Variants in ARHGEF19 observed in about 807,000 individuals in gnomAD.
ARHGEF19 encodes the protein Rho guanine nucleotide exchange factor 19.
ARHGEF19 carries 92 observed loss-of-function variants against 87.6 expected under a neutral mutation model. The observed-to-expected ratio is 1.05, with a 90% CI of 0.89 to 1.25. The LOEUF (loss-of-function observed/expected upper bound fraction) is 1.25, where lower values mean the gene tolerates loss of function less well. ARHGEF19 is among the 50% of genes most tolerant of loss of function. ARHGEF19 has a pLI of 0.00. For synonymous variants in ARHGEF19, 438 were observed against 446.2 expected (o/e 0.98, Z 0.23); for missense variants, 1,054 against 1,051.8 (o/e 1.00, Z -0.03).
At chr1:16,200,743 CAA>C (rs34127909) in intron 14 of ARHGEF19, among the ~76,000 whole-genome samples, 1 of 142,686 alleles carries the variant, frequency 7.0e-6, no homozygotes, top group African/African-American at 2.6e-5. Context: ...GACTCTGTCT[CAA>C]AAAAAAAAAG....
chr1:16,204,797 GTGGAGGTAGAC>G lies in ARHGEF19; in HGVS notation c.1858_1868del (p.Val620ProfsTer4). 6.2e-7 allele frequency: 1 copy of G among 1,613,260 alleles called. No individual in the cohort carries two copies. The highest frequency in any genetic ancestry group is 8.5e-7 in the Non-Finnish European group (1 of 1,179,458). ...AGAGCAGCAAGCAGTCATTGAAGAGGTGGAGGTAGACTGCCTTGCTGGACAGCTTCAGCTTG... is the reference window on the plus strand; with the variant it reads ...AGAGCAGCAAGCAGTCATTGAAGAGGTGCCTTGCTGGACAGCTTCAGCTTG... On this transcript the variant is annotated frameshift_variant, in exon 12 of 16. Coordinates refer to ENST00000270747, the MANE Select transcript of ARHGEF19 (RefSeq NM_153213.5). LOFTEE classifies it high-confidence loss of function.
In ARHGEF19 at chr1:16,207,871, T is replaced by A; in HGVS notation, c.694+73A>T. On this transcript the variant is annotated intron_variant, in intron 3 of 15. Transcript: ENST00000270747. The surrounding 1 kb of genome is among the most constrained non-coding windows in gnomAD (Gnocchi z 4.0). ...CACCCTGACGGCCTCAGGCGGCCGG[T>A]GAGTGGGCATCGCCCACCCCCACCC... 6.3e-7 allele frequency: 1 copy of A among 1,585,122 alleles called. No homozygotes were observed.
rs746727289 is a variant in ARHGEF19, at chr1:16,205,912, T to C, written c.1451+19A>G. ...GACTCCCTCCACGCCCCCGCCCCTTTCAGAGCCCCCAGCCCTACAGCAGGC... is the reference window on the plus strand; with the variant it reads ...GACTCCCTCCACGCCCCCGCCCCTTCCAGAGCCCCCAGCCCTACAGCAGGC... On this transcript the variant is annotated intron_variant, in intron 8 of 15. Coordinates refer to ENST00000270747, the MANE Select transcript of ARHGEF19 (RefSeq NM_153213.5). The surrounding 1 kb of genome is among the most constrained non-coding windows in gnomAD (Gnocchi z 5.8). 74 of 1,594,402 alleles carry C rather than the reference T, an allele frequency of 4.6e-5. No homozygotes were observed. The Middle Eastern group carries it at 5.4e-3, about 117-fold the overall frequency.
rs937107285 is a variant in ARHGEF19 at position 16,198,642 on chromosome 1, C to T, written c.2354G>A (p.Arg785Gln). The T allele has an allele frequency of 6.2e-6, 10 of 1,613,622 alleles. No individual in the cohort carries two copies. The highest frequency in any genetic ancestry group is 1.7e-5 in the Admixed American group (1 of 59,968). The change falls in exon 16 of 16, where the codon CGG (arginine) becomes CAG (glutamine). Residue 785 changes from arginine (R) to glutamine (Q), a missense_variant. Transcript: ENST00000270747. This position sits in a 1 kb window ranked among gnomAD's most constrained non-coding sequence, Gnocchi z 4.1. ...GGCACTTGTGACTCGCTTATTCTCC[C>T]GGAGGTTTCGGAGGCGGGCGCTGAG... ...SSLSARLRNL[R>Q]ENKRVTSATS...
In ARHGEF19 at chr1:16,198,880, TC is replaced by T; in HGVS notation, c.2252-137del. ...TGACATCATCTCAGCATCTCTCAGCTCCAGGAAGGACCCTGTCTTGAGCTGT... is the reference window on the plus strand; with the variant it reads ...TGACATCATCTCAGCATCTCTCAGCTCAGGAAGGACCCTGTCTTGAGCTGT... On this transcript the variant is annotated intron_variant, in intron 15 of 15. Transcript: ENST00000270747. The surrounding 1 kb of genome is among the most constrained non-coding windows in gnomAD (Gnocchi z 4.1). 8.5e-7 allele frequency: 1 copy of T among 1,172,828 alleles called. No homozygotes were observed. The highest frequency in any genetic ancestry group is 1.2e-6 in the Non-Finnish European group (1 of 845,800). The allele number at this position is 1,172,828 out of a possible 1,614,324, so 72.7% of individuals were successfully genotyped here.
At position 16,205,002 on chromosome 1, in the gene ARHGEF19, G is replaced by C; in HGVS notation, c.1747-83C>G. 6.4e-7 allele frequency: 1 copy of C among 1,561,950 alleles called. No individual in the cohort carries two copies. The highest frequency in any genetic ancestry group is 8.7e-7 in the Non-Finnish European group (1 of 1,152,212). ...TGGTAGATGGGAGGGTGTGGGCAGC[G>C]ATTAACTGGCCTGAAGCCCCCAGGG... On this transcript the variant is annotated intron_variant, in intron 11 of 15. Coordinates refer to ENST00000270747, the MANE Select transcript of ARHGEF19 (RefSeq NM_153213.5). The surrounding 1 kb of genome is among the most constrained non-coding windows in gnomAD (Gnocchi z 5.8).
chr1:16,206,641 A>C lies in ARHGEF19; in HGVS notation c.1138-301T>G, dbSNP rs2081138999. The C allele has an allele frequency of 7.9e-6, 2 of 253,698 alleles. No homozygotes were observed. Among genetic ancestry groups the C allele is most frequent in the African/African-American group, 9.0e-5 (2 of 22,342 alleles). The allele number at this position is 253,698 out of a possible 1,614,324, so 15.7% of individuals were successfully genotyped here. ...GGCCCCGCCTTGTTCCGCGCCCACC[A>C]GGCGTTTGCTCTTCCAATGGTTCCG... On this transcript the variant is annotated intron_variant, in intron 6 of 15. Transcript: ENST00000270747. This position sits in a 1 kb window ranked among gnomAD's most constrained non-coding sequence, Gnocchi z 4.6.
At chr1:16,199,649 G>A (rs2081069044) in intron 14 of ARHGEF19, among the ~76,000 whole-genome samples, 1 of 152,004 alleles carries the variant, frequency 6.6e-6, no homozygotes, top group African/African-American at 2.4e-5. Context: ...TCACTCTGGT[G>A]CTCCCTTTGG....
chr1:16,211,012 G>A (rs1318031064), intron 1 of ARHGEF19, among the ~76,000 whole-genome samples: 1 of 152,142 alleles, frequency 6.6e-6, no homozygotes, highest in African/African-American at 2.4e-5. Flanking sequence ...AAGGGGACTG[G>A]CTGCTCCAAA....
At chr1:16,199,108 C>A in intron 15 of ARHGEF19, 42 bp downstream of exon 15, 2 of 1,600,726 alleles carry the variant, frequency 1.2e-6, no homozygotes, top group Non-Finnish European at 1.7e-6. Flanking sequence ...CTCCTGCCCA[C>A]CCAAGCCCCA....
In ARHGEF19 at chr1:16,205,171, C is replaced by T. The variant is rs1318645043; in HGVS notation, c.1662G>A (p.Val554=). The T allele has an allele frequency of 6.3e-7, 1 of 1,597,752 alleles. No individual in the cohort carries two copies. Among genetic ancestry groups the T allele is most frequent in the East Asian group, 2.3e-5 (1 of 44,248 alleles). Residue 554 remains valine (V), a synonymous_variant, in exon 11 of 16, where the codon GTG becomes GTA. Transcript: ENST00000270747. The surrounding 1 kb of genome is among the most constrained non-coding windows in gnomAD (Gnocchi z 5.8). ...ACTGTACACTAGCATTGCACTCCTG[C>T]ACCAGCTGGGGGAGCCGTGGGGAGG... The part of the protein sequence containing the change: ...TKAFNALKEL[V]QECNASVQSM...
intron 14 of ARHGEF19, among the ~76,000 whole-genome samples, chr1:16,200,431 C>G (rs1004355362): frequency 6.6e-6 from 1 of 152,218 alleles, no homozygotes; most frequent in African/African-American, 2.4e-5. Context: ...AAGCTCAGCC[C>G]TAACTCCTCT....
Position 16,205,195 on chromosome 1 carries a change from G to C in ARHGEF19, c.1657-19C>G. 1 of 1,593,530 alleles carries C rather than the reference G, an allele frequency of 6.3e-7. No homozygotes were observed. On this transcript the variant is annotated intron_variant, in intron 10 of 15. Coordinates refer to ENST00000270747, the MANE Select transcript of ARHGEF19 (RefSeq NM_153213.5). This position sits in a 1 kb window ranked among gnomAD's most constrained non-coding sequence, Gnocchi z 5.8. The stretch of plus-strand genomic sequence containing the variant: ...GCACCAGCTGGGGGAGCCGTGGGGA[G>C]GTCACCTGCAGCCCCTCAGCTCCGG...
At position 16,208,115 on chromosome 1, in the gene ARHGEF19, C is replaced by T. The variant is rs376043942; in HGVS notation, c.523G>A (p.Glu175Lys). 1.1e-5 allele frequency: 18 copies of T among 1,613,562 alleles called. No individual in the cohort carries two copies. The highest frequency in any genetic ancestry group is 2.5e-6 in the Non-Finnish European group (3 of 1,179,674). Residue 175 changes from glutamate (E) to lysine (K), a missense_variant, in exon 3 of 16, where the codon GAG (glutamate) becomes AAG (lysine). Glu to Lys is a moderately conservative substitution (Grantham distance 56). Coordinates refer to ENST00000270747, the MANE Select transcript of ARHGEF19 (RefSeq NM_153213.5). ...GACCCAGACAACTCCACCCTGGGCTCCTCTGTGCTCAGGGCCTGCTCTTGC... is the reference window on the plus strand; with the variant it reads ...GACCCAGACAACTCCACCCTGGGCTTCTCTGTGCTCAGGGCCTGCTCTTGC... ...VVQEQALSTE[E>K]PRVELSGSTR...
intron 14 of ARHGEF19, among the ~76,000 whole-genome samples, chr1:16,199,942 C>T (rs2081070981): frequency 1.3e-5 from 2 of 152,224 alleles, no homozygotes; most frequent in Admixed American, 1.3e-4. Flanking sequence ...AAGCTCCCTC[C>T]TGCCCCAGGG....
At position 16,198,926 on chromosome 1, in the gene ARHGEF19, C is replaced by T. The variant is rs900214731; in HGVS notation, c.2252-182G>A. Reference sequence around the variant, plus strand: ...AGCTGTCTTGCAGATGAACTTCTGACCTGTTTTTCCTGATATCCTCTGAAA... The same window carrying T: ...AGCTGTCTTGCAGATGAACTTCTGATCTGTTTTTCCTGATATCCTCTGAAA... On this transcript the variant is annotated intron_variant, in intron 15 of 15. Transcript: ENST00000270747. This position sits in a 1 kb window ranked among gnomAD's most constrained non-coding sequence, Gnocchi z 4.1. Among the ~76,000 whole-genome samples, 7 of 152,116 alleles carry T rather than the reference C, an allele frequency of 4.6e-5. No homozygotes were observed. Among genetic ancestry groups the T allele is most frequent in the Non-Finnish European group, 8.8e-5 (6 of 68,022 alleles).
rs1339790627 is a variant in ARHGEF19 at position 16,212,569 on chromosome 1, G to A, written c.-97C>T. The A allele has an allele frequency of 6.6e-6, 1 of 152,592 alleles. No homozygotes were observed. Among genetic ancestry groups the A allele is most frequent in the Non-Finnish European group, 1.5e-5 (1 of 68,360 alleles). 9.5% of individuals were successfully genotyped at this position (152,592 alleles called of 1,614,324 possible). On this transcript the variant is annotated 5_prime_UTR_variant, in exon 1 of 16. Transcript: ENST00000270747. ...CTCCGGGACACCCTGGGGGCTCTGG[G>A]GTTGCAGCCAAGTCCTCAGGGGGCG...
intron 1 of ARHGEF19, among the ~76,000 whole-genome samples, chr1:16,210,019 AGGAAGTTATCCCTGG>A (rs1241611069): frequency 2.6e-5 from 4 of 152,244 alleles, no homozygotes; most frequent in Non-Finnish European, 5.9e-5. Flanking sequence ...CTTTCTGGGC[AGGAAGTTATCCCTGG>A]GGAGCCAGCC....
chr1:16,207,647 G>C lies in ARHGEF19; in HGVS notation c.797+28C>G. The C allele has an allele frequency of 2.5e-6, 4 of 1,614,020 alleles. No homozygotes were observed. The highest frequency in any genetic ancestry group is 3.4e-6 in the Non-Finnish European group (4 of 1,179,982). On this transcript the variant is annotated intron_variant, in intron 4 of 15. Coordinates refer to ENST00000270747, the MANE Select transcript of ARHGEF19 (RefSeq NM_153213.5). The surrounding 1 kb of genome is among the most constrained non-coding windows in gnomAD (Gnocchi z 4.0). ...CCCTAGTTCGCCTGCACCCTGTCTC[G>C]GACCCAAGCCCAAACGGGAGGTGGT...
Sources: allele counts gnomAD v4.1 joint callset (sites outside exome capture counted in the v4.1 genomes callset), GRCh38; gene constraint gnomAD v4.1.1; non-coding constraint Gnocchi (gnomAD v3.1); transcripts MANE v1.5; gene names NCBI Gene and HGNC (gene_info 2026-07-23, HGNC 2026-07-21).